FER1L5: variants seen among roughly 807,000 people sequenced by gnomAD.
FER1L5 encodes the protein fer-1 like family member 5.
A neutral mutation model predicts 279.9 loss-of-function variants in FER1L5; 187 were observed. That is an observed-to-expected ratio of 0.67 (90% CI 0.59 to 0.75). FER1L5 has a LOEUF of 0.75. Ranked by LOEUF, FER1L5 falls within the 30% of genes least tolerant of loss-of-function variation. FER1L5 has a pLI of 0.00. For synonymous variants in FER1L5, 921 were observed against 989.7 expected, an observed-to-expected ratio of 0.93 and a Z score of 1.30; for missense variants, 2,091 against 2,594.4, an observed-to-expected ratio of 0.81 and a Z score of 4.21.
chr2:96,649,513 G>A, intron 4 of FER1L5, 110 bp from the exon 5 acceptor site: 1 of 992,460 alleles, frequency 1.0e-6, no homozygotes. Context: ...TAGCATCACG[G>A]CCCCCACCAG....
chr2:96,704,006 C>T (rs1284382180), intron 51 of FER1L5, among the ~76,000 whole-genome samples: 2 of 151,734 alleles, frequency 1.3e-5, no homozygotes, highest in African/African-American at 4.8e-5. Context: ...AGTAGAGACG[C>T]GGTTTCACCA....
rs1177643295 is a variant in FER1L5 at position 96,691,905 on chromosome 2, C to T, written c.3156C>T (p.Asp1052=). 1.9e-6 allele frequency: 3 copies of T among 1,551,218 alleles called. No individual in the cohort carries two copies. Among genetic ancestry groups the T allele is most frequent in the Non-Finnish European group, 1.7e-6 (2 of 1,146,950 alleles). ...GGGGTCTGGACAGACAGTTCAGGGACCCCCAGAGGCAGGACACCCGGCCCC... is the reference window on the plus strand; with the variant it reads ...GGGGTCTGGACAGACAGTTCAGGGATCCCCAGAGGCAGGACACCCGGCCCC... ...WPWGLDRQFR[D]PQRQDTRPPN... Residue 1052 remains aspartate (D), a synonymous_variant, in exon 30 of 53, where the codon GAC becomes GAT. Coordinates refer to ENST00000624922, the MANE Select transcript of FER1L5 (RefSeq NM_001293083.2). The surrounding 1 kb of genome is among the most constrained non-coding windows in gnomAD (Gnocchi z 6.0).
At position 96,703,630 on chromosome 2, in the gene FER1L5, C is replaced by G. The variant is rs762071167; in HGVS notation, c.5799C>G (p.Pro1933=). 7 of 1,613,782 alleles carry G rather than the reference C, an allele frequency of 4.3e-6. 1 individual carries two copies. Among genetic ancestry groups the G allele is most frequent in the South Asian group, 3.3e-5 (3 of 91,070 alleles). ...EPNQYPTLHP[P]LRTNTSFTWL... The stretch of plus-strand genomic sequence containing the variant: ...ACCAGTACCCCACACTTCATCCTCC[C>G]CTGTAAGGGTCCTTGGGGCAAAAGC... The change falls in exon 51 of 53, where the codon CCC becomes CCG. Residue 1933 remains proline, a splice_region_variant and synonymous_variant. Coordinates refer to ENST00000624922, the MANE Select transcript of FER1L5 (RefSeq NM_001293083.2).
chr2:96,695,672 C>T lies in FER1L5; in HGVS notation c.3894+11C>T. 6.2e-7 allele frequency: 1 copy of T among 1,605,046 alleles called. No individual in the cohort carries two copies. The highest frequency in any genetic ancestry group is 8.5e-7 in the Non-Finnish European group (1 of 1,175,248). On this transcript the variant is annotated intron_variant, in intron 35 of 52. Transcript: ENST00000624922. ...CTAGTCCTCACAGTGGTAAGAGGCC[C>T]CAGGGCAGGGGCTGGGCAGCCCTCT...
intron 1 of FER1L5, 24 bp from the exon 2 acceptor site, chr2:96,646,377 G>GC: frequency 6.4e-7 from 1 of 1,551,198 alleles, no homozygotes. Flanking sequence ...TACCATCAAT[G>GC]CCAGCCTCTT....
intron 19 of FER1L5, among the ~76,000 whole-genome samples, chr2:96,673,836 C>A (rs374656517): frequency 2.6e-5 from 4 of 152,264 alleles, no homozygotes; most frequent in African/African-American, 7.2e-5. Flanking sequence ...GGGGAAGAGG[C>A]CCCACAGTCT....
chr2:96,659,577 C>T (rs572929812), intron 9 of FER1L5, among the ~76,000 whole-genome samples: 112 of 148,872 alleles, frequency 7.5e-4, no homozygotes, highest in Middle Eastern at 6.8e-3. Context: ...TTGCAAGTTC[C>T]GCCTCCCGGG....
At chr2:96,681,604 AT>A (rs1174876020) in intron 19 of FER1L5, among the ~76,000 whole-genome samples, 1 of 152,014 alleles carries the variant, frequency 6.6e-6, no homozygotes, top group Non-Finnish European at 1.5e-5. Context: ...GATATAAAAA[AT>A]CATATCGTGG....
chr2:96,680,789 C>T (rs746408324), intron 19 of FER1L5, among the ~76,000 whole-genome samples: 5 of 152,328 alleles, frequency 3.3e-5, no homozygotes, highest in East Asian at 1.9e-4. Flanking sequence ...ACTCAGATCA[C>T]GGATCTGGAG....
intron 12 of FER1L5, 154 bp downstream of exon 12, chr2:96,661,945 C>T (rs1365411354): frequency 6.8e-6 from 8 of 1,179,760 alleles, no homozygotes; most frequent in African/African-American, 3.1e-5. Flanking sequence ...CAGACTTGTC[C>T]TGTGGAGGTG....
rs377573552 is a variant in FER1L5, at chr2:96,673,109, C to T, written c.1524C>T (p.Cys508=). ...AGAACCGCCAAAAGTATGGGCTGTG[C>T]GTCATCTTCCTTTCCTGTACCATGA... The part of the protein sequence containing the change: ...KHQNRQKYGL[C]VIFLSCTMMP... Residue 508 remains cysteine (C), a synonymous_variant, in exon 19 of 53, where the codon TGC becomes TGT. Coordinates refer to ENST00000624922, the MANE Select transcript of FER1L5 (RefSeq NM_001293083.2). 583 of 1,551,404 alleles carry T rather than the reference C, an allele frequency of 3.8e-4. No individual in the cohort carries two copies. Among genetic ancestry groups the T allele is most frequent in the Non-Finnish European group, 4.8e-4 (555 of 1,146,944 alleles).
Position 96,646,423 on chromosome 2 carries a change from G to A in FER1L5, c.108G>A (p.Val36=), listed in dbSNP as rs1334009767. The change falls in exon 2 of 53, where the codon GTG becomes GTA. Residue 36 remains valine, a synonymous_variant. Coordinates refer to ENST00000624922, the MANE Select transcript of FER1L5 (RefSeq NM_001293083.2). The stretch of plus-strand genomic sequence containing the variant: ...CAGATATCAAGAAAAGAACTCGTGT[G>A]GTGGAAGGGAATGATCCCGTGTGGA... ...DFRDIKKRTR[V]VEGNDPVWNE... The A allele has an allele frequency of 6.4e-7, 1 of 1,551,786 alleles. No individual in the cohort carries two copies.
At chr2:96,676,684 G>A (rs544585466) in intron 19 of FER1L5, among the ~76,000 whole-genome samples, 2 of 148,996 alleles carry the variant, frequency 1.3e-5, no homozygotes, top group Non-Finnish European at 3.0e-5. Flanking sequence ...TGTATCTTTG[G>A]ATTATTTTTA....
rs2077276550 is a variant in FER1L5 at position 96,694,291 on chromosome 2, C to G, written c.3637-69C>G. On this transcript the variant is annotated intron_variant, in intron 33 of 52. Transcript: ENST00000624922. This position sits in a 1 kb window ranked among gnomAD's most constrained non-coding sequence, Gnocchi z 4.6. ...TGGGCTCGGTGAGGCCTCTGAGGGA[C>G]CTGCTTGAGGTGAGGGTGAGGGCAG... 10 of 1,426,820 alleles carry G rather than the reference C, an allele frequency of 7.0e-6. No homozygotes were observed. Among genetic ancestry groups the G allele is most frequent in the African/African-American group, 1.4e-5 (1 of 69,588 alleles). The allele number at this position is 1,426,820 out of a possible 1,614,324, so 88.4% of individuals were successfully genotyped here. A position where few individuals can be genotyped will look rare whatever the true frequency, so the allele number is the denominator to read the frequency against.
chr2:96,659,371 TTC>T (rs1397275311), intron 9 of FER1L5, among the ~76,000 whole-genome samples: 3 of 11,820 alleles, frequency 2.5e-4, no homozygotes, highest in Admixed American at 1.2e-3. Flanking sequence ...CCTTCTTTCT[TTC>T]TTTCTTTCTT....
rs373580475 is a variant in FER1L5, at chr2:96,694,789, G to A, written c.3741+325G>A. 6.8e-5 allele frequency: 14 copies of A among 204,708 alleles called. No homozygotes were observed. In the East Asian group the frequency reaches 9.8e-4, roughly 14 times the overall value. The allele number at this position is 204,708 out of a possible 1,614,324, so 12.7% of individuals were successfully genotyped here. ...GGCTCCAAGAGATAACACATTCCACGCACAGTGATGCAGGGACTAACTGAC... is the reference window on the plus strand; with the variant it reads ...GGCTCCAAGAGATAACACATTCCACACACAGTGATGCAGGGACTAACTGAC... On this transcript the variant is annotated intron_variant, in intron 34 of 52. Transcript: ENST00000624922. This position sits in a 1 kb window ranked among gnomAD's most constrained non-coding sequence, Gnocchi z 4.6.
Position 96,698,609 on chromosome 2 carries a change from G to A in FER1L5, c.4357-62G>A, listed in dbSNP as rs2077470322. The A allele has an allele frequency of 7.1e-7, 1 of 1,417,946 alleles. No homozygotes were observed. The highest frequency in any genetic ancestry group is 1.3e-5 in the South Asian group (1 of 78,806). 87.8% of individuals were successfully genotyped at this position (1,417,946 alleles called of 1,614,324 possible). A position where few individuals can be genotyped will look rare whatever the true frequency, so the allele number is the denominator to read the frequency against. Reference sequence around the variant, plus strand: ...TGAACATGGGCTGGGGCACCTCCCAGAGGGCTTTACAGAGCTGGCCAGCAC... The same window carrying A: ...TGAACATGGGCTGGGGCACCTCCCAAAGGGCTTTACAGAGCTGGCCAGCAC... On this transcript the variant is annotated intron_variant, in intron 40 of 52. Transcript: ENST00000624922. This position sits in a 1 kb window ranked among gnomAD's most constrained non-coding sequence, Gnocchi z 5.5.
chr2:96,700,875 CCAAA>C (rs768080831), intron 45 of FER1L5, among the ~76,000 whole-genome samples: 4 of 152,166 alleles, frequency 2.6e-5, no homozygotes, highest in Non-Finnish European at 5.9e-5. Context: ...GCAAATAACC[CCAAA>C]CAGAGAAATA....
Position 96,702,174 on chromosome 2 carries a change from G to C in FER1L5, c.5159+131G>C. 1 of 1,559,364 alleles carries C rather than the reference G, an allele frequency of 6.4e-7. No homozygotes were observed. The highest frequency in any genetic ancestry group is 8.7e-7 in the Non-Finnish European group (1 of 1,149,052). On this transcript the variant is annotated intron_variant, in intron 46 of 52. Coordinates refer to ENST00000624922, the MANE Select transcript of FER1L5 (RefSeq NM_001293083.2). The surrounding 1 kb of genome is among the most constrained non-coding windows in gnomAD (Gnocchi z 4.0). Reference sequence around the variant, plus strand: ...ATTGGGAAGAGAGGAAGCTCTACTGGGAGCTTTCTTCCCCTGAATTCCCCA... The same window carrying C: ...ATTGGGAAGAGAGGAAGCTCTACTGCGAGCTTTCTTCCCCTGAATTCCCCA...
Sources: gnomAD v4.1 joint callset for allele counts (sites outside exome capture counted in the v4.1 genomes callset) on GRCh38, gnomAD v4.1.1 for gene constraint, Gnocchi (gnomAD v3.1) non-coding constraint, MANE v1.5 for transcripts, NCBI Gene and HGNC (gene_info 2026-07-23, HGNC 2026-07-21) for gene names.